Variants in STX8 observed in about 807,000 individuals in gnomAD.
The protein encoded by STX8 is syntaxin-8.
Under a neutral mutation model 37.5 loss-of-function variants are expected in STX8, and 23 were observed. The ratio of observed to expected loss-of-function variants is 0.61; its 90% confidence interval spans 0.44 to 0.87. The LOEUF is 0.87. STX8 is among the 40% of genes least tolerant of loss of function. STX8 has a pLI of 0.00. For missense variants in STX8, 313 were observed against 284.7 expected (o/e 1.10, Z -0.71); for synonymous variants, 115 against 99.1 (o/e 1.16, Z -0.95).
chr17:9,562,613 A>AAT (rs796718340), intron 2 of STX8, among the ~76,000 whole-genome samples: 11 of 51,140 alleles, frequency 2.2e-4, no homozygotes, highest in African/African-American at 5.4e-4. Flanking sequence ...AAAAAAAAAA[A>AAT]ATATATATAT....
intron 6 of STX8, among the ~76,000 whole-genome samples, chr17:9,434,009 A>G (rs1297961023): frequency 1.0e-5 from 1 of 100,360 alleles, no homozygotes; most frequent in African/African-American, 5.7e-5. Context: ...GTATGTCAGG[A>G]TCTTTTTTTT....
Position 9,496,194 on chromosome 17 carries a change from G to A in STX8, c.449-4273C>T, listed in dbSNP as rs78813447. On this transcript the variant is annotated intron_variant, in intron 5 of 7. Coordinates refer to ENST00000306357, the MANE Select transcript of STX8 (RefSeq NM_004853.3). ...AAGTTCAAGCAATTCTCCTGTCTCC[G>A]CCTCCCCAGTGGCTGGGATTACAGG... is the stretch of plus-strand genomic sequence containing the variant. Among the ~76,000 whole-genome samples the A allele has an allele frequency of 4.9e-3, 740 of 151,332 alleles. 3 individuals are homozygous for A. The highest frequency in any genetic ancestry group is 0.017 in the African/African-American group (694 of 41,244).
At chr17:9,528,991 C>A (rs541277710) in intron 4 of STX8, among the ~76,000 whole-genome samples, 3 of 151,782 alleles carry the variant, frequency 2.0e-5, no homozygotes, top group Non-Finnish European at 4.4e-5. Context: ...AGAGTCATTA[C>A]GGGGGAAATA....
chr17:9,311,568 T>A (rs181655608), intron 7 of STX8, among the ~76,000 whole-genome samples: 2 of 152,322 alleles, frequency 1.3e-5, no homozygotes, highest in African/African-American at 4.8e-5. Flanking sequence ...GCATCCCTAT[T>A]TGAACTGTGA....
intron 1 of STX8, among the ~76,000 whole-genome samples, chr17:9,572,505 G>A (rs1907723594): frequency 6.6e-6 from 1 of 152,158 alleles, no homozygotes; most frequent in South Asian, 2.1e-4. Flanking sequence ...CACCTCCTGG[G>A]TTCAAGTGAT....
At chr17:9,333,386 T>C (rs767267799) in intron 7 of STX8, among the ~76,000 whole-genome samples, 2 of 152,190 alleles carry the variant, frequency 1.3e-5, no homozygotes, top group Non-Finnish European at 2.9e-5. Context: ...CAAATTAAAA[T>C]AACTTATTTT....
intron 7 of STX8, among the ~76,000 whole-genome samples, chr17:9,323,302 TAG>T (rs1909639357): frequency 6.6e-6 from 1 of 151,848 alleles, no homozygotes; most frequent in African/African-American, 2.4e-5. Flanking sequence ...AAGAAAACCT[TAG>T]GGGGAAAAAA....
At chr17:9,567,029 A>G (rs961083483) in intron 2 of STX8, among the ~76,000 whole-genome samples, 1 of 152,210 alleles carries the variant, frequency 6.6e-6, no homozygotes, top group African/African-American at 2.4e-5. Context: ...GGAACAGAAA[A>G]CCAAATACCG....
In STX8 at chr17:9,416,002, T is replaced by C. The variant is rs1205540958; in HGVS notation, c.542-37349A>G. Among the ~76,000 whole-genome samples the C allele has an allele frequency of 2.0e-5, 3 of 152,316 alleles. No homozygotes were observed. In the East Asian group the frequency reaches 5.8e-4, roughly 29 times the overall value. ...ACAGTAATGAGTTCTCCTGGATTTA[T>C]TTACAACTTTATAATGAACCCCACT... On this transcript the variant is annotated intron_variant, in intron 6 of 7. Transcript: ENST00000306357.
chr17:9,376,024 C>A (rs879402434), intron 7 of STX8, among the ~76,000 whole-genome samples: 1 of 152,132 alleles, frequency 6.6e-6, no homozygotes, highest in Non-Finnish European at 1.5e-5. Context: ...ATAGTCCATA[C>A]AACTGAATTT....
At chr17:9,474,453 A>T (rs1597695550) in intron 6 of STX8, among the ~76,000 whole-genome samples, 1 of 151,174 alleles carries the variant, frequency 6.6e-6, no homozygotes, top group Non-Finnish European at 1.5e-5. Flanking sequence ...GCTCACTGCA[A>T]CCTCCGCCTC....
intron 6 of STX8, among the ~76,000 whole-genome samples, chr17:9,443,824 G>C (rs1213004805): frequency 6.6e-6 from 1 of 152,134 alleles, no homozygotes; most frequent in Admixed American, 6.5e-5. Context: ...CAACTAAACA[G>C]AAGCTGTTTG....
chr17:9,436,606 A>G lies in STX8; in HGVS notation c.541+55223T>C, dbSNP rs1283721330. Among the ~76,000 whole-genome samples the G allele has an allele frequency of 5.3e-5, 8 of 152,202 alleles. No homozygotes were observed. In the South Asian group the frequency reaches 1.2e-3, roughly 24 times the overall value. ...TGGGTTTTAATCATTCAGGATAACA[A>G]TTACGACCACGATCAACATAACATG... On this transcript the variant is annotated intron_variant, in intron 6 of 7. Transcript: ENST00000306357.
At chr17:9,451,587 T>C (rs980537135) in intron 6 of STX8, among the ~76,000 whole-genome samples, 1 of 152,156 alleles carries the variant, frequency 6.6e-6, no homozygotes, top group Admixed American at 6.5e-5. Context: ...TTAACTCCTA[T>C]GATATATATG....
chr17:9,400,907 A>G (rs1912592572), intron 6 of STX8, among the ~76,000 whole-genome samples: 1 of 152,192 alleles, frequency 6.6e-6, no homozygotes, highest in African/African-American at 2.4e-5. Context: ...ACAATTATAG[A>G]AAATGCTGTA....
At chr17:9,310,162 T>G (rs1370069994) in intron 7 of STX8, among the ~76,000 whole-genome samples, 1 of 146,482 alleles carries the variant, frequency 6.8e-6, no homozygotes, top group Non-Finnish European at 1.5e-5. Flanking sequence ...AAAAACAACA[T>G]ACAAACACAC....
At chr17:9,315,113 A>C (rs1024190769) in intron 7 of STX8, among the ~76,000 whole-genome samples, 44 of 151,590 alleles carry the variant, frequency 2.9e-4, no homozygotes, top group African/African-American at 1.0e-3. Context: ...AAAAAAAAAA[A>C]AAACCAACAA....
intron 7 of STX8, among the ~76,000 whole-genome samples, chr17:9,293,850 C>A (rs1908410922): frequency 6.6e-6 from 1 of 151,888 alleles, no homozygotes; most frequent in African/African-American, 2.4e-5. Context: ...CAAGCTCCGC[C>A]TCCCGGGTTC....
intron 5 of STX8, among the ~76,000 whole-genome samples, chr17:9,502,393 G>A (rs1345815576): frequency 6.6e-6 from 1 of 152,028 alleles, no homozygotes; most frequent in Non-Finnish European, 1.5e-5. Flanking sequence ...TGTACAACAG[G>A]GTAACTAATA....
Sources: allele counts gnomAD v4.1 joint callset (sites outside exome capture counted in the v4.1 genomes callset), GRCh38; gene constraint gnomAD v4.1.1; transcripts MANE v1.5; gene names NCBI Gene and HGNC (gene_info 2026-07-23, HGNC 2026-07-21).